MAN1A2: variants seen among roughly 807,000 people sequenced by gnomAD.
MAN1A2 encodes the protein mannosyl-oligosaccharide 1,2-alpha-mannosidase IB.
A neutral mutation model predicts 75.7 loss-of-function variants in MAN1A2; 26 were observed. The observed-to-expected ratio is 0.34, with a 90% CI of 0.25 to 0.48. The LOEUF (loss-of-function observed/expected upper bound fraction) is 0.48, where lower values mean the gene tolerates loss of function less well. Ranked by LOEUF, MAN1A2 falls within the 20% of genes least tolerant of loss-of-function variation. MAN1A2 has a pLI of 0.99. For missense variants in MAN1A2, 562 were observed against 775.5 expected (o/e 0.72, Z 3.27); for synonymous variants, 247 against 264.6 (o/e 0.93, Z 0.65).
chr1:117,493,652 A>C (rs1269773391), intron 9 of MAN1A2: 1 of 157,902 alleles, frequency 6.3e-6, no homozygotes, highest in Non-Finnish European at 1.4e-5. Context: ...ATGGTGGTGC[A>C]TGCCTGTAGT....
At chr1:117,445,872 G>GTATA (rs1300576603) in intron 6 of MAN1A2, among the ~76,000 whole-genome samples, 1 of 114,126 alleles carries the variant, frequency 8.8e-6, no homozygotes, top group African/African-American at 3.5e-5. Context: ...GTGTGTGTGT[G>GTATA]TCTGTGTGTG....
At chr1:117,465,096 T>C (rs1012449501) in intron 7 of MAN1A2, among the ~76,000 whole-genome samples, 1 of 152,032 alleles carries the variant, frequency 6.6e-6, no homozygotes, top group Non-Finnish European at 1.5e-5. Context: ...TAAGATGTGA[T>C]ATCAGTAACA....
chr1:117,439,914 G>A (rs1648974804), intron 5 of MAN1A2, among the ~76,000 whole-genome samples: 1 of 152,204 alleles, frequency 6.6e-6, no homozygotes, highest in African/African-American at 2.4e-5. Flanking sequence ...CAAATTGGTA[G>A]TAACTTACCA....
At chr1:117,370,215 G>C (rs573450219) in intron 1 of MAN1A2, among the ~76,000 whole-genome samples, 7 of 152,134 alleles carry the variant, frequency 4.6e-5, no homozygotes, top group African/African-American at 7.2e-5. Flanking sequence ...AAAACTATTG[G>C]GTTCCTGAGT....
intron 1 of MAN1A2, among the ~76,000 whole-genome samples, chr1:117,392,366 A>G (rs1248886170): frequency 6.6e-6 from 1 of 152,052 alleles, no homozygotes; most frequent in Non-Finnish European, 1.5e-5. Flanking sequence ...TTTGAAGATC[A>G]TGTATGTCTT....
At chr1:117,429,086 A>C (rs1183599417) in intron 5 of MAN1A2, among the ~76,000 whole-genome samples, 1 of 148,030 alleles carries the variant, frequency 6.8e-6, no homozygotes, top group African/African-American at 2.5e-5. Flanking sequence ...CTGAGTGGAC[A>C]CAGCACATGT....
At chr1:117,378,758 TTTGTTTGTAC>T (rs1653239022) in intron 1 of MAN1A2, among the ~76,000 whole-genome samples, 1 of 152,174 alleles carries the variant, frequency 6.6e-6, no homozygotes, top group African/African-American at 2.4e-5. Flanking sequence ...CTGCTGTCAA[TTTGTTTGTAC>T]TTCCCTGATT....
chr1:117,391,124 T>C (rs1653705009), intron 1 of MAN1A2, among the ~76,000 whole-genome samples: 2 of 152,192 alleles, frequency 1.3e-5, no homozygotes, highest in African/African-American at 4.8e-5. Flanking sequence ...ACCTTTATGT[T>C]ACCTGGTTTC....
intron 5 of MAN1A2, among the ~76,000 whole-genome samples, chr1:117,429,757 G>C (rs1648536394): frequency 8.9e-6 from 1 of 112,900 alleles, no homozygotes; most frequent in Non-Finnish European, 1.9e-5. Context: ...CCGGGCGGGG[G>C]GCTGACCCCC....
intron 1 of MAN1A2, among the ~76,000 whole-genome samples, chr1:117,374,327 C>T (rs561472872): frequency 4.4e-4 from 67 of 152,264 alleles, no homozygotes; most frequent in Admixed American, 7.9e-4. Flanking sequence ...TGGGCTGACT[C>T]CACATATTTC....
At chr1:117,405,216 G>A (rs1353740779) in intron 2 of MAN1A2, among the ~76,000 whole-genome samples, 1 of 152,130 alleles carries the variant, frequency 6.6e-6, no homozygotes, top group African/African-American at 2.4e-5. Flanking sequence ...GGTAGAAGCA[G>A]AGCCTCTTGA....
intron 11 of MAN1A2, among the ~76,000 whole-genome samples, chr1:117,500,955 C>A (rs1453176337): frequency 6.6e-6 from 1 of 151,750 alleles, no homozygotes; most frequent in East Asian, 1.9e-4. Context: ...TTGAATGTCC[C>A]CTGATATTTA....
At chr1:117,459,279 C>A (rs1403714210) in intron 6 of MAN1A2, among the ~76,000 whole-genome samples, 1 of 152,100 alleles carries the variant, frequency 6.6e-6, no homozygotes, top group Non-Finnish European at 1.5e-5. Context: ...AATTTATGGA[C>A]AAATTTCCCT....
At chr1:117,440,762 A>G (rs1311487200) in intron 5 of MAN1A2, among the ~76,000 whole-genome samples, 1 of 152,110 alleles carries the variant, frequency 6.6e-6, no homozygotes, top group Non-Finnish European at 1.5e-5. Context: ...TTAATTTTAT[A>G]TGTAGAAAAG....
rs962302617 is a variant in MAN1A2, at chr1:117,526,264, C to G, written c.*3307C>G. On this transcript the variant is annotated 3_prime_UTR_variant, in exon 13 of 13. Coordinates refer to ENST00000356554, the MANE Select transcript of MAN1A2 (RefSeq NM_006699.5). Reference sequence around the variant, plus strand: ...CATGTGCCAAGCATTGTGCCTGGCACTTTCAATCATTAGAATGTTTTATGT... The same window carrying G: ...CATGTGCCAAGCATTGTGCCTGGCAGTTTCAATCATTAGAATGTTTTATGT... The G allele has an allele frequency of 1.3e-5, 2 of 151,848 alleles. No individual in the cohort carries two copies. Among genetic ancestry groups the G allele is most frequent in the Non-Finnish European group, 1.5e-5 (1 of 67,822 alleles). The allele number at this position is 151,848 out of a possible 1,614,324, so 9.4% of individuals were successfully genotyped here.
At chr1:117,429,887 C>T (rs1161649654) in intron 5 of MAN1A2, among the ~76,000 whole-genome samples, 49 of 67,456 alleles carry the variant, frequency 7.3e-4, no homozygotes, top group Non-Finnish European at 1.1e-3. Context: ...CCAGATGGGG[C>T]GGCTGGCCGG....
Position 117,525,173 on chromosome 1 carries a change from G to C in MAN1A2, c.*2216G>C, listed in dbSNP as rs760760864. ...CCAGATGACTGAAGCTTAAGAGAAGGCAGGGAAGTATACAAGCAGAGCCAG... is the reference window on the plus strand; with the variant it reads ...CCAGATGACTGAAGCTTAAGAGAAGCCAGGGAAGTATACAAGCAGAGCCAG... On this transcript the variant is annotated 3_prime_UTR_variant, in exon 13 of 13. Coordinates refer to ENST00000356554, the MANE Select transcript of MAN1A2 (RefSeq NM_006699.5). 3.8e-6 allele frequency: 2 copies of C among 519,632 alleles called. No individual in the cohort carries two copies. Among genetic ancestry groups the C allele is most frequent in the Non-Finnish European group, 7.9e-6 (2 of 253,072 alleles). The allele number at this position is 519,632 out of a possible 1,614,324, so 32.2% of individuals were successfully genotyped here.
At chr1:117,485,540 A>G (rs999096855) in intron 8 of MAN1A2, among the ~76,000 whole-genome samples, 3 of 151,978 alleles carry the variant, frequency 2.0e-5, no homozygotes, top group African/African-American at 7.2e-5. Flanking sequence ...ACTACAGGAA[A>G]GGTAACTGAT....
intron 12 of MAN1A2, among the ~76,000 whole-genome samples, chr1:117,509,520 T>G (rs1255669820): frequency 6.6e-6 from 1 of 151,952 alleles, no homozygotes; most frequent in Non-Finnish European, 1.5e-5. Flanking sequence ...TCTTAAAATA[T>G]CCTTAAGTGT....
Sources: allele counts gnomAD v4.1 joint callset (sites outside exome capture counted in the v4.1 genomes callset), GRCh38; gene constraint gnomAD v4.1.1; transcripts MANE v1.5; gene names NCBI Gene and HGNC (gene_info 2026-07-23, HGNC 2026-07-21).